LAMA3: variants seen among roughly 807,000 people sequenced by gnomAD.
LAMA3 encodes the protein laminin subunit alpha-3.
LAMA3 carries 281 observed loss-of-function variants against 402.0 expected under a neutral mutation model. The observed-to-expected ratio is 0.70, with a 90% confidence interval of 0.63 to 0.77. The LOEUF is 0.77. Among genes scored for constraint, LAMA3 ranks in the 30% least tolerant of loss-of-function variants. The probability of loss-of-function intolerance (pLI) is 0.00; values close to 1 mark genes in which losing one functional copy is unlikely to be tolerated. For missense variants in LAMA3, 3,840 were observed against 4,215.5 expected, an observed-to-expected ratio of 0.91 and a Z score of 2.47; for synonymous variants, 1,431 against 1,558.4, an observed-to-expected ratio of 0.92 and a Z score of 1.93.
At position 23,914,705 on chromosome 18, in the gene LAMA3, C is replaced by T. The variant is rs1555737779; in HGVS notation, c.7489C>T (p.Gln2497Ter). The T allele has an allele frequency of 1.2e-6, 2 of 1,612,464 alleles. No homozygotes were observed. The highest frequency in any genetic ancestry group is 1.1e-5 in the South Asian group (1 of 90,942). ...TAAATTCATTTTAAACAGAATTTATCAGTTTGCAAGGCTTAATTACACCAA... is the reference window on the plus strand; with the variant it reads ...TAAATTCATTTTAAACAGAATTTATTAGTTTGCAAGGCTTAATTACACCAA... ...MDRVKFQRIY[Q>*]FARLNYTKGA... is the part of the protein sequence containing the mutation. Residue 2497 changes from glutamine (Q) to a stop codon, truncating the protein, a stop_gained, in exon 58 of 75, where the codon CAG (glutamine) becomes TAG (stop). Transcript: ENST00000313654. LOFTEE classifies it high-confidence loss of function.
intron 1 of LAMA3, among the ~76,000 whole-genome samples, chr18:23,693,164 T>C (rs2145804184): frequency 6.6e-6 from 1 of 152,260 alleles, no homozygotes; most frequent in South Asian, 2.1e-4. Context: ...GCCAGCATGG[T>C]GAAACCCCGT....
At chr18:23,708,421 A>T (rs2060929331) in intron 1 of LAMA3, among the ~76,000 whole-genome samples, 1 of 152,198 alleles carries the variant, frequency 6.6e-6, no homozygotes, top group Admixed American at 6.5e-5. Flanking sequence ...TCACTGGCAT[A>T]ATATTGTCTC....
At chr18:23,942,543 G>C (rs1447777705) in intron 68 of LAMA3, among the ~76,000 whole-genome samples, 1 of 150,380 alleles carries the variant, frequency 6.6e-6, no homozygotes, top group Non-Finnish European at 1.5e-5. Flanking sequence ...CATAGAACAT[G>C]TAACCATCAT....
chr18:23,726,753 G>T (rs541959197), intron 2 of LAMA3, among the ~76,000 whole-genome samples: 1 of 152,094 alleles, frequency 6.6e-6, no homozygotes, highest in Admixed American at 6.5e-5. Context: ...CAGTAGCGGG[G>T]ATTACAGGTG....
chr18:23,702,431 A>T (rs962825653), intron 1 of LAMA3, among the ~76,000 whole-genome samples: 1 of 152,004 alleles, frequency 6.6e-6, no homozygotes, highest in African/African-American at 2.4e-5. Context: ...CCTGGGCTCA[A>T]GGGAGCCTCA....
intron 60 of LAMA3, among the ~76,000 whole-genome samples, chr18:23,920,094 C>A (rs2081778734): frequency 6.6e-6 from 1 of 152,022 alleles, no homozygotes; most frequent in African/African-American, 2.4e-5. Context: ...GCTTGCTCAG[C>A]AATAAGGGAA....
At position 23,918,408 on chromosome 18, in the gene LAMA3, C is replaced by G. The variant is rs1180550111; in HGVS notation, c.7923+1713C>G. On this transcript the variant is annotated intron_variant, in intron 60 of 74. Transcript: ENST00000313654. The surrounding 1 kb of genome is among the most constrained non-coding windows in gnomAD (Gnocchi z 4.1). ...TATTCTGACCCAAAACATGTGAAAACTTCCTGGGATCTCTAAGATCTAGAC... is the reference window on the plus strand; with the variant it reads ...TATTCTGACCCAAAACATGTGAAAAGTTCCTGGGATCTCTAAGATCTAGAC... 2.0e-5 allele frequency among the ~76,000 whole-genome samples: 3 copies of G among 152,210 alleles called. No individual in the cohort carries two copies. The highest frequency in any genetic ancestry group is 7.2e-5 in the African/African-American group (3 of 41,448).
rs1233762426 is a variant in LAMA3 at position 23,918,389 on chromosome 18, G to A, written c.7923+1694G>A. 6.6e-6 allele frequency among the ~76,000 whole-genome samples: 1 copy of A among 152,124 alleles called. No homozygotes were observed. Among genetic ancestry groups the A allele is most frequent in the Non-Finnish European group, 1.5e-5 (1 of 68,026 alleles). On this transcript the variant is annotated intron_variant, in intron 60 of 74. Coordinates refer to ENST00000313654, the MANE Select transcript of LAMA3 (RefSeq NM_198129.4). This position sits in a 1 kb window ranked among gnomAD's most constrained non-coding sequence, Gnocchi z 4.1. ...GCTTGCCTAAGAATCTACTTATTCT[G>A]ACCCAAAACATGTGAAAACTTCCTG... is the stretch of plus-strand genomic sequence containing the variant.
chr18:23,869,807 G>A (rs557323387), intron 37 of LAMA3, among the ~76,000 whole-genome samples: 3 of 152,272 alleles, frequency 2.0e-5, no homozygotes, highest in South Asian at 4.1e-4. Context: ...AATGGCTCAC[G>A]CCTGTAATTC....
rs1224874243 is a variant in LAMA3 at position 23,928,183 on chromosome 18, T to C, written c.8238T>C (p.Gly2746=). 1.2e-6 allele frequency: 2 copies of C among 1,614,020 alleles called. No individual in the cohort carries two copies. The highest frequency in any genetic ancestry group is 1.7e-6 in the Non-Finnish European group (2 of 1,179,888). ...TGAAAAATTTGAAGAAAACCAGTGG[T>C]GTCGTTAGATTGAATGATACTGTGG... ...GCMKNLKKTS[G]VVRLNDTVGV... The change falls in exon 63 of 75, where the codon GGT becomes GGC. Residue 2746 remains glycine, a synonymous_variant. Coordinates refer to ENST00000313654, the MANE Select transcript of LAMA3 (RefSeq NM_198129.4).
chr18:23,895,310 T>G (rs1222348444), intron 44 of LAMA3, among the ~76,000 whole-genome samples: 1 of 152,254 alleles, frequency 6.6e-6, no homozygotes, highest in East Asian at 1.9e-4. Context: ...TTTATTTCAG[T>G]ATCTTGCATT....
In LAMA3 at chr18:23,914,771, G is replaced by T. The variant is rs1276202543; in HGVS notation, c.7555G>T (p.Asp2519Tyr). The T allele has an allele frequency of 1.2e-6, 2 of 1,613,350 alleles. No individual in the cohort carries two copies. Among genetic ancestry groups the T allele is most frequent in the South Asian group, 2.2e-5 (2 of 91,056 alleles). ...SSKPETPGVY[D>Y]MDGRNSNTLL... ...TAAACCAGAAACACCCGGAGTCTATGACATGGATGGTAGAAATAGCAATAC... is the reference window on the plus strand; with the variant it reads ...TAAACCAGAAACACCCGGAGTCTATTACATGGATGGTAGAAATAGCAATAC... The change falls in exon 58 of 75, where the codon GAC becomes TAC. Residue 2519 changes from aspartate (D) to tyrosine (Y), a missense_variant. Physicochemically the swap from Asp to Tyr is radical, Grantham distance 160 (BLOSUM62 -3). This residue lies in a region of LAMA3 where 891 missense variants were observed against 857.5 expected (regional missense o/e 1.04). Coordinates refer to ENST00000313654, the MANE Select transcript of LAMA3 (RefSeq NM_198129.4).
intron 34 of LAMA3, 146 bp downstream of exon 34, chr18:23,858,975 C>A: frequency 1.2e-6 from 1 of 830,704 alleles, no homozygotes. Flanking sequence ...GCCATGTGTT[C>A]AGAGGGGCTT....
intron 41 of LAMA3, among the ~76,000 whole-genome samples, chr18:23,887,306 T>C (rs1329822041): frequency 1.3e-5 from 2 of 151,848 alleles, no homozygotes; most frequent in East Asian, 3.9e-4. Flanking sequence ...AAGGGAAGGA[T>C]GTGGGGAGTG....
At chr18:23,850,979 AG>A (rs1283685455) in intron 32 of LAMA3, among the ~76,000 whole-genome samples, 2 of 152,234 alleles carry the variant, frequency 1.3e-5, no homozygotes, top group African/African-American at 2.4e-5. Flanking sequence ...TAGTAGCCAC[AG>A]GAAAGATTTG....
At chr18:23,894,427 T>C in intron 43 of LAMA3, 79 bp downstream of exon 43, 8 of 1,261,226 alleles carry the variant, frequency 6.3e-6, no homozygotes, top group African/African-American at 1.5e-5. Context: ...TGCTGGGTCA[T>C]GCAGTTTCCA....
In LAMA3 at chr18:23,861,816, G is replaced by A; in HGVS notation, c.4584+9G>A. 1.2e-6 allele frequency: 2 copies of A among 1,609,876 alleles called. No homozygotes were observed. The highest frequency in any genetic ancestry group is 1.7e-6 in the Non-Finnish European group (2 of 1,177,710). On this transcript the variant is annotated intron_variant, in intron 35 of 74. Coordinates refer to ENST00000313654, the MANE Select transcript of LAMA3 (RefSeq NM_198129.4). ...CCTACCTGGGGGACAAGGTAATGAT[G>A]TCCTGCTGTTCTTCTGGGCCCTCAG...
intron 1 of LAMA3, chr18:23,709,901 A>G (rs2060958334): frequency 1.4e-6 from 1 of 723,040 alleles, no homozygotes; most frequent in Non-Finnish European, 2.5e-6. Flanking sequence ...TCTCTCCATC[A>G]GGCCTAATCA....
In LAMA3 at chr18:23,839,017, G is replaced by C. The variant is rs757930115; in HGVS notation, c.3191+139G>C. The stretch of plus-strand genomic sequence containing the variant: ...TCTGGTGGTGGATTTAAAACAGAAA[G>C]AAAAACCAGCTAAATAATTTACCCC... On this transcript the variant is annotated intron_variant, in intron 26 of 74. Coordinates refer to ENST00000313654, the MANE Select transcript of LAMA3 (RefSeq NM_198129.4). The surrounding 1 kb of genome is among the most constrained non-coding windows in gnomAD (Gnocchi z 4.5). The C allele has an allele frequency of 2.7e-5, 19 of 698,876 alleles. No homozygotes were observed. Among genetic ancestry groups the C allele is most frequent in the Non-Finnish European group, 5.0e-5 (19 of 381,996 alleles). 43.3% of individuals were successfully genotyped at this position (698,876 alleles called of 1,614,324 possible).
Sources: gnomAD v4.1 joint callset for allele counts (sites outside exome capture counted in the v4.1 genomes callset) on GRCh38, gnomAD v4.1.1 for gene constraint, gnomAD v4.1.1 regional missense constraint, Gnocchi (gnomAD v3.1) non-coding constraint, MANE v1.5 for transcripts, NCBI Gene and HGNC (gene_info 2026-07-23, HGNC 2026-07-21) for gene names.